The following FOXP2 variants were observed in gnomAD, a reference collection of about 807,000 sequenced individuals.
FOXP2 encodes the protein forkhead box protein P2.
FOXP2 carries 12 observed loss-of-function variants against 115.8 expected under a neutral mutation model. The ratio of observed to expected loss-of-function variants is 0.10; its 90% confidence interval spans 0.07 to 0.17. The LOEUF is 0.17. Ranked by LOEUF, FOXP2 falls within the 10% of genes least tolerant of loss-of-function variation. The probability of loss-of-function intolerance (pLI) is 1.00; values close to 1 mark genes in which losing one functional copy is unlikely to be tolerated. For missense variants in FOXP2, 629 were observed against 843.5 expected, an observed-to-expected ratio of 0.75 and a Z score of 3.15; for synonymous variants, 328 against 297.7, an observed-to-expected ratio of 1.10 and a Z score of -1.05.
At chr7:114,552,621 T>C (rs1800265964) in intron 3 of FOXP2, among the ~76,000 whole-genome samples, 1 of 152,202 alleles carries the variant, frequency 6.6e-6, no homozygotes, top group Non-Finnish European at 1.5e-5. Flanking sequence ...TTATTCAGGT[T>C]AAAATATTCT....
At chr7:114,304,280 G>A (rs1796948330) in intron 2 of FOXP2, among the ~76,000 whole-genome samples, 1 of 151,954 alleles carries the variant, frequency 6.6e-6, no homozygotes, top group African/African-American at 2.4e-5. Context: ...TAAGTGTGAG[G>A]AGGCTCAATG....
At chr7:114,111,367 AG>A (rs1012275136) in intron 1 of FOXP2, among the ~76,000 whole-genome samples, 2 of 152,134 alleles carry the variant, frequency 1.3e-5, no homozygotes, top group Non-Finnish European at 2.9e-5. Context: ...ACAAGGGCCC[AG>A]GTGAGCTCTA....
At chr7:114,139,397 T>TAAA (rs1192120175) in intron 1 of FOXP2, among the ~76,000 whole-genome samples, 1 of 152,138 alleles carries the variant, frequency 6.6e-6, no homozygotes, top group Non-Finnish European at 1.5e-5. Context: ...CTATAGGGTA[T>TAAA]AAAACATAAT....
chr7:114,152,933 G>A (rs867717124), intron 1 of FOXP2, among the ~76,000 whole-genome samples: 2 of 152,228 alleles, frequency 1.3e-5, no homozygotes, highest in Middle Eastern at 3.4e-3. Flanking sequence ...CTTTGGTTTG[G>A]AACTGATTGA....
intron 3 of FOXP2, 127 bp from the exon 4 acceptor site, chr7:114,628,413 G>A (rs1804710944): frequency 8.0e-7 from 1 of 1,257,088 alleles, no homozygotes; most frequent in African/African-American, 1.5e-5. Context: ...ATAGTAAAAT[G>A]TGACGTAAAA....
chr7:114,248,705 T>A (rs1341676060), intron 1 of FOXP2, among the ~76,000 whole-genome samples: 2 of 152,222 alleles, frequency 1.3e-5, no homozygotes, highest in Non-Finnish European at 2.9e-5. Context: ...TGTGTGGGGT[T>A]GACCGTTTAG....
At chr7:114,495,485 T>C (rs6949278) in intron 2 of FOXP2, among the ~76,000 whole-genome samples, 2,943 of 33,272 alleles carry the variant, frequency 0.088, 119 homozygotes, top group Non-Finnish European at 0.099. Context: ...CTCTCTCTCT[T>C]TTTTTTTTTT....
chr7:114,095,279 T>C (rs1799621710), intron 1 of FOXP2, among the ~76,000 whole-genome samples: 1 of 152,154 alleles, frequency 6.6e-6, no homozygotes, highest in African/African-American at 2.4e-5. Flanking sequence ...TTTTAAGAAA[T>C]GCATGGAATC....
intron 1 of FOXP2, among the ~76,000 whole-genome samples, chr7:114,268,066 T>G (rs931531997): frequency 6.6e-6 from 1 of 152,186 alleles, no homozygotes; most frequent in African/African-American, 2.4e-5. Context: ...TTTGTCCTCT[T>G]GTGAACTGGC....
chr7:114,647,841 A>G (rs1373559078), intron 8 of FOXP2, among the ~76,000 whole-genome samples: 1 of 152,086 alleles, frequency 6.6e-6, no homozygotes, highest in Non-Finnish European at 1.5e-5. Flanking sequence ...TTACAATATA[A>G]CATTCCATTT....
intron 1 of FOXP2, among the ~76,000 whole-genome samples, chr7:114,264,706 T>C (rs1196918657): frequency 6.6e-6 from 1 of 152,192 alleles, no homozygotes; most frequent in Admixed American, 6.5e-5. Context: ...AGAGGTTTAA[T>C]TGGCTCACCA....
intron 2 of FOXP2, among the ~76,000 whole-genome samples, chr7:114,511,256 A>T (rs1192335064): frequency 6.6e-6 from 1 of 152,152 alleles, no homozygotes; most frequent in Non-Finnish European, 1.5e-5. Flanking sequence ...CCTAATGTAG[A>T]TGACTGGTTG....
intron 2 of FOXP2, among the ~76,000 whole-genome samples, chr7:114,366,970 T>G (rs985927316): frequency 6.6e-6 from 1 of 152,168 alleles, no homozygotes; most frequent in Non-Finnish European, 1.5e-5. Context: ...GTTATTAGAA[T>G]AAGGAAACAA....
chr7:114,303,757 A>G (rs1213713375), intron 2 of FOXP2, among the ~76,000 whole-genome samples: 1 of 152,088 alleles, frequency 6.6e-6, no homozygotes, highest in Non-Finnish European at 1.5e-5. Flanking sequence ...CAGTTTAGTT[A>G]TTGGTTAGTT....
intron 2 of FOXP2, among the ~76,000 whole-genome samples, chr7:114,337,436 A>G (rs1328600013): frequency 6.6e-6 from 1 of 151,240 alleles, no homozygotes; most frequent in Non-Finnish European, 1.5e-5. Flanking sequence ...TACATATTCT[A>G]ATAAGACTTA....
intron 6 of FOXP2, 44 bp from the exon 7 acceptor site, chr7:114,642,366 A>G (rs1805581089): frequency 2.0e-6 from 3 of 1,497,648 alleles, no homozygotes; most frequent in Non-Finnish European, 1.9e-6. Flanking sequence ...TATAAACTTT[A>G]CCTTTACCTT....
chr7:114,386,035 G>A (rs2894697), intron 2 of FOXP2, among the ~76,000 whole-genome samples: 58,702 of 152,216 alleles, frequency 0.39, 12,279 homozygotes, highest in African/African-American at 0.52. Flanking sequence ...GGCACTTAAC[G>A]TTGCAGGAAC....
rs374043439 is a variant in FOXP2 at position 114,278,361 on chromosome 7, C to CT, written c.-101-9646dup. ...TAAGCCATATACCTGTGTTGTTTTA[C>CT]TTTTTTTTTTTTGAGATGGAGTCTC... On this transcript the variant is annotated intron_variant, in intron 1 of 17. Transcript: ENST00000634411. 5.7e-3 allele frequency among the ~76,000 whole-genome samples: 834 copies of CT among 145,566 alleles called. 10 individuals are homozygous for CT. The highest frequency in any genetic ancestry group is 0.017 in the African/African-American group (684 of 40,056).
At chr7:114,416,805 A>G (rs925417251) in intron 1 of FOXP2, among the ~76,000 whole-genome samples, 2 of 152,158 alleles carry the variant, frequency 1.3e-5, no homozygotes, top group African/African-American at 2.4e-5. Context: ...TTTCACGGAA[A>G]GCAGAGTCCT....
Sources: gnomAD v4.1 joint callset for allele counts (sites outside exome capture counted in the v4.1 genomes callset) on GRCh38, gnomAD v4.1.1 for gene constraint, MANE v1.5 for transcripts, NCBI Gene and HGNC (gene_info 2026-07-23, HGNC 2026-07-21) for gene names.